Variants in TBR1 observed in about 807,000 individuals in gnomAD.
TBR1 encodes the protein T-box brain transcription factor 1.
A neutral mutation model predicts 60.3 loss-of-function variants in TBR1; 7 were observed. The observed-to-expected ratio is 0.12, with a 90% CI of 0.07 to 0.22. TBR1 has a LOEUF of 0.22. Among genes scored for constraint, TBR1 ranks in the 10% least tolerant of loss-of-function variants. The probability of loss-of-function intolerance (pLI) is 1.00; values close to 1 mark genes in which losing one functional copy is unlikely to be tolerated. For synonymous variants in TBR1, 417 were observed against 409.9 expected, an observed-to-expected ratio of 1.02 and a Z score of -0.21; for missense variants, 616 against 936.8, an observed-to-expected ratio of 0.66 and a Z score of 4.47.
In TBR1 at chr2:161,417,975, T is replaced by C; in HGVS notation, c.847+145T>C. 2 of 1,456,532 alleles carry C rather than the reference T, an allele frequency of 1.4e-6. No homozygotes were observed. The highest frequency in any genetic ancestry group is 1.8e-6 in the Non-Finnish European group (2 of 1,104,422). The allele number at this position is 1,456,532 out of a possible 1,614,324, so 90.2% of individuals were successfully genotyped here. On this transcript the variant is annotated intron_variant, in intron 2 of 5. Transcript: ENST00000389554. This position sits in a 1 kb window ranked among gnomAD's most constrained non-coding sequence, Gnocchi z 5.3. The stretch of plus-strand genomic sequence containing the variant: ...AAACGAGGGGGACAGGGGGACAGAC[T>C]GAGCTGCGAGAAGGGGGAGGATTAT...
intron 4 of TBR1, 183 bp from the exon 5 acceptor site, chr2:161,420,012 CT>C (rs1574150701): frequency 2.3e-6 from 1 of 442,350 alleles, no homozygotes; most frequent in East Asian, 3.7e-5. Context: ...TTCCTCATAA[CT>C]TTCATGATAC....
In TBR1 at chr2:161,419,250, T is replaced by G. The variant is rs754477996; in HGVS notation, c.1128+200T>G. ...AATACCAAGCCGGTGGGAAAAAGCT[T>G]TCTATTTGTTTTCGTCGCTGGTCAC... On this transcript the variant is annotated intron_variant, in intron 4 of 5. Transcript: ENST00000389554. 6.5e-5 allele frequency: 46 copies of G among 707,594 alleles called. 1 individual carries two copies. Among genetic ancestry groups the G allele is most frequent in the Non-Finnish European group, 8.3e-5 (38 of 457,720 alleles). 43.8% of individuals were successfully genotyped at this position (707,594 alleles called of 1,614,324 possible).
At chr2:161,418,828 AG>A (rs1434844783) in intron 3 of TBR1, 63 bp from the exon 4 acceptor site, 8 of 1,554,336 alleles carry the variant, frequency 5.1e-6, no homozygotes, top group Non-Finnish European at 7.0e-6. Flanking sequence ...GGGCGCACAC[AG>A]CCACGCGCAC....
chr2:161,423,520 G>A lies in TBR1; in HGVS notation c.1342G>A (p.Gly448Ser). The stretch of plus-strand genomic sequence containing the variant: ...CTACGCCAAGGCCCGCTTCCACCCG[G>A]GCGCGGGCGCGGGCCCCGGGCCGGG... ...SNYAKARFHPGAGAGPGPGTD... is the reference protein window; with the variant it reads ...SNYAKARFHPSAGAGPGPGTD... The change falls in exon 6 of 6, where the codon GGC becomes AGC. Residue 448 changes from glycine to serine, a missense_variant. Gly to Ser is a moderately conservative substitution (Grantham distance 56). Coordinates refer to ENST00000389554, the MANE Select transcript of TBR1 (RefSeq NM_006593.4). 1.3e-6 allele frequency: 2 copies of A among 1,580,090 alleles called. No individual in the cohort carries two copies. Among genetic ancestry groups the A allele is most frequent in the African/African-American group, 1.4e-5 (1 of 72,144 alleles).
At chr2:161,420,319 T>C (rs1170854043) in intron 5 of TBR1, 62 bp downstream of exon 5, 3 of 1,374,232 alleles carry the variant, frequency 2.2e-6, no homozygotes, top group Admixed American at 1.8e-5. Context: ...GTCAAAGGTG[T>C]ATTATTATGT....
At chr2:161,420,294 G>A in intron 5 of TBR1, 37 bp downstream of exon 5, 2 of 1,570,360 alleles carry the variant, frequency 1.3e-6, no homozygotes, top group Non-Finnish European at 1.8e-6. Flanking sequence ...AAATAGCTGT[G>A]GAATTGGGCT....
chr2:161,418,058 C>A, intron 2 of TBR1, 143 bp from the exon 3 acceptor site: 1 of 1,461,848 alleles, frequency 6.8e-7, no homozygotes, highest in Non-Finnish European at 9.0e-7. Context: ...CTAAAAAAGC[C>A]CCAGTTAATG....
At position 161,416,453 on chromosome 2, in the gene TBR1, A is replaced by T; in HGVS notation, c.43A>T (p.Lys15Ter). 1 of 1,611,294 alleles carries T rather than the reference A, an allele frequency of 6.2e-7. No individual in the cohort carries two copies. The highest frequency in any genetic ancestry group is 8.5e-7 in the Non-Finnish European group (1 of 1,178,378). Residue 15 changes from lysine to a stop codon, truncating the protein, a stop_gained, in exon 1 of 6, where the codon AAG becomes TAG. Coordinates refer to ENST00000389554, the MANE Select transcript of TBR1 (RefSeq NM_006593.4). LOFTEE classifies it high-confidence loss of function. The surrounding 1 kb of genome is among the most constrained non-coding windows in gnomAD (Gnocchi z 6.1). The part of the protein sequence containing the change: ...HCLSPSIMLS[K>*]KFLNVSSSYP... The stretch of plus-strand genomic sequence containing the variant: ...CCTTTCTCCTTCTATCATGCTCTCC[A>T]AGAAATTTCTCAATGTGAGCAGCAG...
intron 3 of TBR1, chr2:161,418,531 G>A (rs958281954): frequency 1.5e-5 from 10 of 681,182 alleles, no homozygotes; most frequent in Non-Finnish European, 2.3e-5. Flanking sequence ...CAATTTTGGA[G>A]TGCCCGACCT....
rs1684269670 is a variant in TBR1, at chr2:161,423,535, C to T, written c.1357C>T (p.Pro453Ser). 1.9e-6 allele frequency: 3 copies of T among 1,578,040 alleles called. No individual in the cohort carries two copies. The highest frequency in any genetic ancestry group is 1.4e-5 in the African/African-American group (1 of 72,054). ...CTTCCACCCGGGCGCGGGCGCGGGCCCCGGGCCGGGTACGGACCGCAGCGT... is the reference window on the plus strand; with the variant it reads ...CTTCCACCCGGGCGCGGGCGCGGGCTCCGGGCCGGGTACGGACCGCAGCGT... ...ARFHPGAGAG[P>S]GPGTDRSVPH... is the part of the protein sequence containing the mutation. The change falls in exon 6 of 6, where the codon CCC (proline) becomes TCC (serine). Residue 453 changes from proline to serine, a missense_variant. By Grantham distance (74) the Pro-to-Ser change is moderately conservative. Coordinates refer to ENST00000389554, the MANE Select transcript of TBR1 (RefSeq NM_006593.4).
At chr2:161,421,493 G>A (rs1684229929) in intron 5 of TBR1, 1 of 152,260 alleles carries the variant, frequency 6.6e-6, no homozygotes, top group Non-Finnish European at 1.5e-5. Context: ...GCCCAGCACA[G>A]TGGAAAGTAT....
chr2:161,416,548 G>T lies in TBR1; in HGVS notation c.138G>T (p.Leu46=). 1 of 1,614,128 alleles carries T rather than the reference G, an allele frequency of 6.2e-7. No homozygotes were observed. The highest frequency in any genetic ancestry group is 8.5e-7 in the Non-Finnish European group (1 of 1,180,032). ...CCATTATCTCGACCACTGACAACCT[G>T]GAGAGAAGTTCACCTTTGAAAAAAA... The part of the protein sequence containing the change: ...DHPIISTTDN[L]ERSSPLKKIT... The change falls in exon 1 of 6, where the codon CTG becomes CTT. Residue 46 remains leucine (L), a synonymous_variant. Transcript: ENST00000389554. The surrounding 1 kb of genome is among the most constrained non-coding windows in gnomAD (Gnocchi z 6.1).
chr2:161,424,694 GTGGA>G lies in TBR1; in HGVS notation c.*487_*490del, dbSNP rs528117826. 16 of 156,110 alleles carry G rather than the reference GTGGA, an allele frequency of 1.0e-4. No homozygotes were observed. The highest frequency in any genetic ancestry group is 9.5e-4 in the East Asian group (5 of 5,290). The allele number at this position is 156,110 out of a possible 1,614,324, so 9.7% of individuals were successfully genotyped here. On this transcript the variant is annotated 3_prime_UTR_variant, in exon 6 of 6. Coordinates refer to ENST00000389554, the MANE Select transcript of TBR1 (RefSeq NM_006593.4). This position sits in a 1 kb window ranked among gnomAD's most constrained non-coding sequence, Gnocchi z 4.4. ...CCAGCGCGTCCTTTCTTATCCCCGA[GTGGA>G]TGGATGGATGGATGGATGGTAGGGA...
At chr2:161,419,419 A>T in intron 4 of TBR1, 1 of 179,324 alleles carries the variant, frequency 5.6e-6, no homozygotes, top group Admixed American at 6.4e-5. Context: ...TTCCCCGTGC[A>T]TTTTATTCTT....
Position 161,416,933 on chromosome 2 carries a change from C to G in TBR1, c.523C>G (p.Pro175Ala), listed in dbSNP as rs775187265. 14 of 1,614,038 alleles carry G rather than the reference C, an allele frequency of 8.7e-6. No individual in the cohort carries two copies. The highest frequency in any genetic ancestry group is 1.0e-5 in the Non-Finnish European group (12 of 1,180,038). Reference sequence around the variant, plus strand: ...GCAGGGATACCCCACGGCCGGCTACCCCTACCCACAGCAGTACGGCCACTC... The same window carrying G: ...GCAGGGATACCCCACGGCCGGCTACGCCTACCCACAGCAGTACGGCCACTC... ...SPQGYPTAGYPYPQQYGHSYQ... is the reference protein window; with the variant it reads ...SPQGYPTAGYAYPQQYGHSYQ... The change falls in exon 1 of 6, where the codon CCC becomes GCC. Residue 175 changes from proline to alanine, a missense_variant. Pro to Ala is a conservative substitution (Grantham distance 27, BLOSUM62 -1). Coordinates refer to ENST00000389554, the MANE Select transcript of TBR1 (RefSeq NM_006593.4). This position sits in a 1 kb window ranked among gnomAD's most constrained non-coding sequence, Gnocchi z 6.1.
In TBR1 at chr2:161,417,218, T is replaced by C; in HGVS notation, c.692+116T>C. The C allele has an allele frequency of 9.5e-7, 1 of 1,054,994 alleles. No individual in the cohort carries two copies. The highest frequency in any genetic ancestry group is 1.4e-6 in the Non-Finnish European group (1 of 739,526). 65.4% of individuals were successfully genotyped at this position (1,054,994 alleles called of 1,614,324 possible). A position where few individuals can be genotyped will look rare whatever the true frequency, so the allele number is the denominator to read the frequency against. The stretch of plus-strand genomic sequence containing the variant: ...GTCGGGAGCGGAGTGGAAGGCGCCC[T>C]AGAGTTGGCTAGTTTTGGAAAGGGG... On this transcript the variant is annotated intron_variant, in intron 1 of 5. Transcript: ENST00000389554. This position sits in a 1 kb window ranked among gnomAD's most constrained non-coding sequence, Gnocchi z 5.3.
Position 161,417,154 on chromosome 2 carries a change from G to A in TBR1, c.692+52G>A, listed in dbSNP as rs899686004. 6.0e-6 allele frequency: 9 copies of A among 1,512,070 alleles called. No homozygotes were observed. The highest frequency in any genetic ancestry group is 8.0e-6 in the Non-Finnish European group (9 of 1,126,528). 93.7% of individuals were successfully genotyped at this position (1,512,070 alleles called of 1,614,324 possible). A position where few individuals can be genotyped will look rare whatever the true frequency, so the allele number is the denominator to read the frequency against. Reference sequence around the variant, plus strand: ...GCTCTAGGCGCAGCCGGGGACAAGTGCACCTAGGCTGTGACTGCCGCGGCA... The same window carrying A: ...GCTCTAGGCGCAGCCGGGGACAAGTACACCTAGGCTGTGACTGCCGCGGCA... On this transcript the variant is annotated intron_variant, in intron 1 of 5. Transcript: ENST00000389554. The surrounding 1 kb of genome is among the most constrained non-coding windows in gnomAD (Gnocchi z 5.3).
Position 161,423,914 on chromosome 2 carries a change from A to T in TBR1, c.1736A>T (p.Asn579Ile). 1 of 1,494,460 alleles carries T rather than the reference A, an allele frequency of 6.7e-7. No homozygotes were observed. The highest frequency in any genetic ancestry group is 8.9e-7 in the Non-Finnish European group (1 of 1,122,654). 92.6% of individuals were successfully genotyped at this position (1,494,460 alleles called of 1,614,324 possible). A position where few individuals can be genotyped will look rare whatever the true frequency, so the allele number is the denominator to read the frequency against. Residue 579 changes from asparagine (N) to isoleucine (I), a missense_variant, in exon 6 of 6, where the codon AAT becomes ATT. This residue lies in a region of TBR1 where 210 missense variants were observed against 297.4 expected (regional missense o/e 0.71). Transcript: ENST00000389554. The stretch of plus-strand genomic sequence containing the variant: ...GCCGCCGCGCGCATGGCCGGCGCCA[A>T]TCCCTACCTGGGCGAGGAGGCCGAG... The part of the protein sequence containing the change: ...AAAAARMAGA[N>I]PYLGEEAEGL...
Position 161,424,446 on chromosome 2 carries a change from C to T in TBR1, c.*219C>T. On this transcript the variant is annotated 3_prime_UTR_variant, in exon 6 of 6. Coordinates refer to ENST00000389554, the MANE Select transcript of TBR1 (RefSeq NM_006593.4). The surrounding 1 kb of genome is among the most constrained non-coding windows in gnomAD (Gnocchi z 4.4). ...ATTAGCTCACCGACCTTCAACTTTG[C>T]TGTAAACCTTTTGGTTTTCCTACTT... is the stretch of plus-strand genomic sequence containing the variant. The T allele has an allele frequency of 1.8e-6, 1 of 560,416 alleles. No homozygotes were observed. Among genetic ancestry groups the T allele is most frequent in the Non-Finnish European group, 3.1e-6 (1 of 321,346 alleles). 34.7% of individuals were successfully genotyped at this position (560,416 alleles called of 1,614,324 possible).
Sources: allele counts gnomAD v4.1 joint callset, GRCh38; gene constraint gnomAD v4.1.1; regional missense constraint gnomAD v4.1.1; non-coding constraint Gnocchi (gnomAD v3.1); transcripts MANE v1.5; gene names NCBI Gene and HGNC (gene_info 2026-07-23, HGNC 2026-07-21).